Variants in METTL16 observed in about 807,000 individuals in gnomAD.
METTL16 encodes the protein RNA N(6)-adenosine-methyltransferase METTL16.
METTL16 carries 19 observed loss-of-function variants against 57.9 expected under a neutral mutation model. The ratio of observed to expected loss-of-function variants is 0.33; its 90% CI spans 0.23 to 0.48. The LOEUF is 0.48. Among genes scored for constraint, METTL16 ranks in the 20% least tolerant of loss-of-function variants. The probability of loss-of-function intolerance (pLI) is 0.99; values close to 1 mark genes in which losing one functional copy is unlikely to be tolerated. For missense variants in METTL16, 434 were observed against 691.5 expected (o/e 0.63, Z 4.18); for synonymous variants, 246 against 255.6 (o/e 0.96, Z 0.36).
At chr17:2,459,249 C>T (rs146927941) in intron 6 of METTL16, among the ~76,000 whole-genome samples, 15 of 152,326 alleles carry the variant, frequency 9.8e-5, no homozygotes, top group Non-Finnish European at 2.1e-4. Flanking sequence ...CTTAGAGCTG[C>T]AGAGGCTGCA....
chr17:2,454,157 A>G (rs2067091704), intron 6 of METTL16, among the ~76,000 whole-genome samples: 1 of 152,174 alleles, frequency 6.6e-6, no homozygotes, highest in Admixed American at 6.5e-5. Flanking sequence ...TTCCAGGCTC[A>G]TTGTGTATTC....
chr17:2,439,571 T>C (rs995471112), intron 7 of METTL16, among the ~76,000 whole-genome samples: 3 of 152,080 alleles, frequency 2.0e-5, no homozygotes, highest in African/African-American at 7.2e-5. Context: ...TAAACCTATG[T>C]AGCTTGAGTT....
intron 2 of METTL16, among the ~76,000 whole-genome samples, chr17:2,489,937 G>A (rs1176349564): frequency 6.6e-6 from 1 of 152,040 alleles, no homozygotes; most frequent in East Asian, 1.9e-4. Flanking sequence ...ATATAACCAT[G>A]CAAGAAAATC....
intron 1 of METTL16, among the ~76,000 whole-genome samples, chr17:2,505,482 C>CA: frequency 7.5e-6 from 1 of 132,974 alleles, no homozygotes; most frequent in East Asian, 2.6e-4. Flanking sequence ...CTCCTGGCCT[C>CA]AAGCAATCCT....
intron 6 of METTL16, among the ~76,000 whole-genome samples, chr17:2,446,763 G>C (rs570491331): frequency 2.0e-5 from 3 of 150,748 alleles, no homozygotes; most frequent in African/African-American, 7.3e-5. Context: ...TTTTTTTTTT[G>C]GTGGAGACGG....
intron 6 of METTL16, among the ~76,000 whole-genome samples, chr17:2,444,442 T>C (rs774504633): frequency 6.7e-6 from 1 of 149,786 alleles, no homozygotes; most frequent in South Asian, 2.1e-4. Flanking sequence ...AGAGCGAGAC[T>C]CTGTCTCAAA....
chr17:2,465,876 C>T (rs139805712), intron 5 of METTL16, among the ~76,000 whole-genome samples: 4 of 149,082 alleles, frequency 2.7e-5, no homozygotes, highest in African/African-American at 7.5e-5. Context: ...CCACACCCCC[C>T]GACCTCAAAA....
intron 6 of METTL16, among the ~76,000 whole-genome samples, chr17:2,443,312 G>T (rs1228294164): frequency 6.6e-6 from 1 of 152,224 alleles, no homozygotes; most frequent in South Asian, 2.1e-4. Flanking sequence ...ATCAATTAAA[G>T]AAACTGAATT....
chr17:2,462,790 C>T (rs1352946121), intron 6 of METTL16, among the ~76,000 whole-genome samples: 1 of 152,182 alleles, frequency 6.6e-6, no homozygotes. Flanking sequence ...ACAAATTACT[C>T]AGTCTCAGGT....
intron 6 of METTL16, among the ~76,000 whole-genome samples, chr17:2,453,501 C>T (rs761380810): frequency 3.9e-5 from 6 of 152,096 alleles, no homozygotes; most frequent in Admixed American, 2.6e-4. Context: ...AGCACGGAGG[C>T]GCTGCTTGTC....
chr17:2,469,448 C>T (rs992380608), intron 4 of METTL16, among the ~76,000 whole-genome samples: 1 of 152,206 alleles, frequency 6.6e-6, no homozygotes, highest in Non-Finnish European at 1.5e-5. Flanking sequence ...CTGCTTTATA[C>T]ACAGAATGGT....
intron 2 of METTL16, among the ~76,000 whole-genome samples, chr17:2,492,406 A>G (rs1049560262): frequency 1.3e-5 from 2 of 152,130 alleles, no homozygotes; most frequent in African/African-American, 4.8e-5. Context: ...GAAAAATAAG[A>G]TATCAGAGTA....
At chr17:2,476,559 C>T (rs2067269956) in intron 3 of METTL16, among the ~76,000 whole-genome samples, 1 of 152,086 alleles carries the variant, frequency 6.6e-6, no homozygotes, top group Non-Finnish European at 1.5e-5. Context: ...TCAATAAATG[C>T]CGCTGAAAAG....
rs531521801 is a variant in METTL16 at position 2,445,615 on chromosome 17, G to A, written c.729-4056C>T. Among the ~76,000 whole-genome samples the A allele has an allele frequency of 2.2e-4, 34 of 151,896 alleles. No individual in the cohort carries two copies. The South Asian group carries it at 6.0e-3, about 27-fold the overall frequency. ...AGCCTGGCCAATATGGCAAAACCCCGCCTCTACTGAAAATACAAAAATTAG... is the reference window on the plus strand; with the variant it reads ...AGCCTGGCCAATATGGCAAAACCCCACCTCTACTGAAAATACAAAAATTAG... On this transcript the variant is annotated intron_variant, in intron 6 of 9. Coordinates refer to ENST00000263092, the MANE Select transcript of METTL16 (RefSeq NM_024086.4).
intron 1 of METTL16, among the ~76,000 whole-genome samples, chr17:2,507,534 C>A (rs2067553422): frequency 6.6e-6 from 1 of 150,648 alleles, no homozygotes; most frequent in African/African-American, 2.4e-5. Flanking sequence ...GGCCAGCCGC[C>A]CCATCCGGGA....
intron 5 of METTL16, among the ~76,000 whole-genome samples, chr17:2,464,693 GC>G (rs1407084094): frequency 1.3e-5 from 2 of 151,956 alleles, no homozygotes; most frequent in Non-Finnish European, 2.9e-5. Flanking sequence ...TTTTTTCCTA[GC>G]ATTTTCACGG....
intron 1 of METTL16, among the ~76,000 whole-genome samples, chr17:2,505,515 C>T (rs2067526181): frequency 6.9e-6 from 1 of 144,078 alleles, no homozygotes; most frequent in Non-Finnish European, 1.5e-5. Flanking sequence ...TCCCAAAGTG[C>T]TAGGATTATA....
chr17:2,428,600 T>TAA (rs1567881738), intron 8 of METTL16, among the ~76,000 whole-genome samples: 1 of 29,988 alleles, frequency 3.3e-5, no homozygotes, highest in African/African-American at 1.6e-4. Flanking sequence ...TATATATATA[T>TAA]ATAAATTGTA....
At chr17:2,504,044 A>G (rs7207526) in intron 1 of METTL16, among the ~76,000 whole-genome samples, 128,833 of 152,170 alleles carry the variant, frequency 0.85, 55,343 homozygotes, top group Non-Finnish European at 0.93. Context: ...CCCTAAGAAG[A>G]AATGAAATTC....
Sources: gnomAD v4.1 joint callset for allele counts (sites outside exome capture counted in the v4.1 genomes callset) on GRCh38, gnomAD v4.1.1 for gene constraint, MANE v1.5 for transcripts, NCBI Gene and HGNC (gene_info 2026-07-23, HGNC 2026-07-21) for gene names.